The following MEI4 variants were observed in gnomAD, a reference collection of about 807,000 sequenced individuals.
The protein encoded by MEI4 is meiosis-specific protein MEI4.
A neutral mutation model predicts 31.4 loss-of-function variants in MEI4; 27 were observed. The ratio of observed to expected loss-of-function variants is 0.86; its 90% confidence interval spans 0.63 to 1.19. MEI4 has a LOEUF of 1.19. Ranked by LOEUF, MEI4 falls within the 50% of genes most tolerant of loss-of-function variation. The probability of loss-of-function intolerance (pLI) is 0.00; values close to 1 mark genes in which losing one functional copy is unlikely to be tolerated. For missense variants in MEI4, 329 were observed against 398.9 expected (o/e 0.82, Z 1.49); for synonymous variants, 122 against 145.4 (o/e 0.84, Z 1.16).
At chr6:77,799,064 C>T (rs920670253) in intron 3 of MEI4, among the ~76,000 whole-genome samples, 2 of 151,774 alleles carry the variant, frequency 1.3e-5, no homozygotes, top group Non-Finnish European at 2.9e-5. Flanking sequence ...TGAGGAATCA[C>T]CACACTGACT....
intron 3 of MEI4, among the ~76,000 whole-genome samples, chr6:77,772,671 A>T (rs914127861): frequency 6.6e-6 from 1 of 151,986 alleles, no homozygotes; most frequent in Non-Finnish European, 1.5e-5. Flanking sequence ...GACAACAAGG[A>T]TATGCACTTC....
At chr6:77,749,213 C>G (rs1404197861) in intron 2 of MEI4, among the ~76,000 whole-genome samples, 1 of 152,150 alleles carries the variant, frequency 6.6e-6, no homozygotes, top group Admixed American at 6.5e-5. Context: ...CACCTCTTCT[C>G]CTCCAAAGGA....
chr6:77,869,596 G>A, intron 4 of MEI4, among the ~76,000 whole-genome samples: 1 of 152,026 alleles, frequency 6.6e-6, no homozygotes, highest in Non-Finnish European at 1.5e-5. Context: ...CTTGGTCTTG[G>A]GCTTCCAGTC....
At chr6:77,883,744 A>ATATATATATATATATATATG (rs1491236242) in intron 4 of MEI4, among the ~76,000 whole-genome samples, 1 of 124,978 alleles carries the variant, frequency 8.0e-6, no homozygotes, top group Non-Finnish European at 1.6e-5. Context: ...ATATATATAT[A>ATATATATATATATATATATG]ACTTTGTCTT....
chr6:77,743,846 C>T (rs9343649), intron 2 of MEI4, among the ~76,000 whole-genome samples: 22,850 of 152,186 alleles, frequency 0.15, 2,071 homozygotes, highest in East Asian at 0.4. Context: ...GCTGCTGATA[C>T]GCAGGCAAAC....
At chr6:77,671,054 GTTT>G (rs35429284) in intron 1 of MEI4, among the ~76,000 whole-genome samples, 2 of 110,444 alleles carry the variant, frequency 1.8e-5, no homozygotes, top group East Asian at 2.8e-4. Context: ...GTGAATTGTT[GTTT>G]TTTTTTTTTT....
intron 4 of MEI4, among the ~76,000 whole-genome samples, chr6:77,854,301 T>C (rs1219810911): frequency 7.1e-6 from 1 of 140,832 alleles, no homozygotes; most frequent in Non-Finnish European, 1.5e-5. Context: ...CAATATCTTA[T>C]ATACTTTTCT....
intron 2 of MEI4, among the ~76,000 whole-genome samples, chr6:77,715,377 T>G (rs1040440843): frequency 6.6e-6 from 1 of 152,132 alleles, no homozygotes; most frequent in African/African-American, 2.4e-5. Context: ...ATAGTAAAAA[T>G]CAGTGGAAAT....
chr6:77,747,313 C>CA (rs909470472), intron 2 of MEI4, among the ~76,000 whole-genome samples: 1 of 151,618 alleles, frequency 6.6e-6, no homozygotes, highest in African/African-American at 2.4e-5. Context: ...CTCAAGACTC[C>CA]ATCTAAAAAA....
intron 2 of MEI4, among the ~76,000 whole-genome samples, chr6:77,693,711 A>G (rs569530921): frequency 1.3e-5 from 2 of 152,274 alleles, no homozygotes; most frequent in South Asian, 4.1e-4. Context: ...AATATACAAA[A>G]GGGGAGCATA....
intron 3 of MEI4, among the ~76,000 whole-genome samples, chr6:77,764,934 C>T (rs113971496): frequency 7.2e-5 from 11 of 152,114 alleles, no homozygotes; most frequent in South Asian, 2.1e-4. Context: ...CAGAATTTAC[C>T]GAAACCTATG....
intron 3 of MEI4, among the ~76,000 whole-genome samples, chr6:77,768,081 A>T (rs183098777): frequency 6.6e-6 from 1 of 152,160 alleles, no homozygotes; most frequent in Non-Finnish European, 1.5e-5. Context: ...TACTATCTTC[A>T]GTTTATAGAT....
chr6:77,799,626 G>A (rs1769188302), intron 3 of MEI4, among the ~76,000 whole-genome samples: 1 of 152,036 alleles, frequency 6.6e-6, no homozygotes, highest in Non-Finnish European at 1.5e-5. Flanking sequence ...TATGGTTTTA[G>A]GTCTAATGTT....
intron 3 of MEI4, among the ~76,000 whole-genome samples, chr6:77,797,249 A>G (rs189009949): frequency 2.4e-3 from 364 of 152,336 alleles, no homozygotes; most frequent in African/African-American, 8.3e-3. Context: ...ATAAGAAAGC[A>G]TAGGAAAAAA....
chr6:77,837,004 T>A (rs950991081), intron 4 of MEI4, among the ~76,000 whole-genome samples: 4 of 152,180 alleles, frequency 2.6e-5, no homozygotes, highest in African/African-American at 9.6e-5. Context: ...TGTTTGTAAT[T>A]CAAATAACTA....
intron 1 of MEI4, among the ~76,000 whole-genome samples, chr6:77,657,322 T>A (rs1768415222): frequency 6.6e-6 from 1 of 152,226 alleles, no homozygotes; most frequent in Non-Finnish European, 1.5e-5. Context: ...ATTTTGTACA[T>A]GTTGTACTTT....
chr6:77,716,751 A>T, intron 2 of MEI4: 1 of 338,968 alleles, frequency 3.0e-6, no homozygotes, highest in South Asian at 1.2e-4. Flanking sequence ...TATTTTTAAA[A>T]TTTTATTTTA....
At chr6:77,904,775 T>A (rs1766255943) in intron 4 of MEI4, among the ~76,000 whole-genome samples, 1 of 151,892 alleles carries the variant, frequency 6.6e-6, no homozygotes, top group South Asian at 2.1e-4. Flanking sequence ...TTTCATTGCA[T>A]AAAGAAATCT....
chr6:77,715,129 G>A lies in MEI4; in HGVS notation c.232+24226G>A, dbSNP rs138829528. 1.4e-3 allele frequency among the ~76,000 whole-genome samples: 219 copies of A among 152,204 alleles called. 1 individual carries two copies. The highest frequency in any genetic ancestry group is 4.5e-3 in the African/African-American group (187 of 41,528). ...GTGAAATCATTTATTCTGGTGAGGC[G>A]AATCTATTTAGTTTGGTTTATTCTC... On this transcript the variant is annotated intron_variant, in intron 2 of 4. Coordinates refer to ENST00000684080, the MANE Select transcript of MEI4 (RefSeq NM_001322247.2).
Sources: gnomAD v4.1 joint callset for allele counts (sites outside exome capture counted in the v4.1 genomes callset) on GRCh38, gnomAD v4.1.1 for gene constraint, MANE v1.5 for transcripts, NCBI Gene and HGNC (gene_info 2026-07-23, HGNC 2026-07-21) for gene names.